STK32B: variants seen among roughly 807,000 people sequenced by gnomAD.
STK32B encodes the protein serine/threonine kinase 32B.
A neutral mutation model predicts 52.6 loss-of-function variants in STK32B; 43 were observed. The ratio of observed to expected loss-of-function variants is 0.82; its 90% CI spans 0.64 to 1.05. The LOEUF (loss-of-function observed/expected upper bound fraction) is 1.05. Ranked by LOEUF, STK32B falls within the 50% of genes least tolerant of loss-of-function variation. STK32B has a pLI of 0.00. For synonymous variants in STK32B, 238 were observed against 204.3 expected, an observed-to-expected ratio of 1.17 and a Z score of -1.41; for missense variants, 621 against 534.6, an observed-to-expected ratio of 1.16 and a Z score of -1.59.
At position 5,305,569 on chromosome 4, in the gene STK32B, T is replaced by G. The variant is rs367683022; in HGVS notation, c.261-25651T>G. On this transcript the variant is annotated intron_variant, in intron 3 of 11. Coordinates refer to ENST00000282908, the MANE Select transcript of STK32B (RefSeq NM_018401.3). Reference sequence around the variant, plus strand: ...TAATACCTCCCATTTCGTTTCTAATTGAGCTTATTTGGATCTCTTTTCTTT... The same window carrying G: ...TAATACCTCCCATTTCGTTTCTAATGGAGCTTATTTGGATCTCTTTTCTTT... Among the ~76,000 whole-genome samples the G allele has an allele frequency of 2.7e-4, 41 of 152,252 alleles. 1 individual carries two copies. The South Asian group carries it at 8.5e-3, about 32-fold the overall frequency.
At chr4:5,157,672 C>G (rs1189009359) in intron 2 of STK32B, among the ~76,000 whole-genome samples, 1 of 152,224 alleles carries the variant, frequency 6.6e-6, no homozygotes, top group Non-Finnish European at 1.5e-5. Context: ...GTGCCCAGCA[C>G]TGTGTCTGCC....
intron 4 of STK32B, among the ~76,000 whole-genome samples, chr4:5,356,928 G>T (rs1292251258): frequency 1.3e-5 from 2 of 152,062 alleles, no homozygotes; most frequent in Non-Finnish European, 2.9e-5. Context: ...AACCCAGGAG[G>T]TAGAGGCTGC....
chr4:5,174,979 T>A (rs553585509), intron 3 of STK32B, among the ~76,000 whole-genome samples: 1 of 152,356 alleles, frequency 6.6e-6, no homozygotes, highest in East Asian at 1.9e-4. Context: ...AGTCCCATAT[T>A]TCTTGTAGGC....
At chr4:5,276,209 A>G (rs950591546) in intron 3 of STK32B, among the ~76,000 whole-genome samples, 4 of 152,228 alleles carry the variant, frequency 2.6e-5, no homozygotes, top group Middle Eastern at 3.4e-3. Context: ...GAATCACTTG[A>G]ACCCAGGAGG....
the STK32B span, among the ~76,000 whole-genome samples, chr4:5,035,574 T>C: frequency 6.6e-6 from 1 of 152,198 alleles, no homozygotes; most frequent in Non-Finnish European, 1.5e-5. Flanking sequence ...TGAGGCACTC[T>C]GCTCTTTGTC....
At chr4:5,133,208 C>T (rs544587167) in intron 1 of STK32B, among the ~76,000 whole-genome samples, 2 of 152,186 alleles carry the variant, frequency 1.3e-5, no homozygotes, top group Non-Finnish European at 2.9e-5. Flanking sequence ...GTTCCCGGTA[C>T]GTAGTAGAGG....
intron 11 of STK32B, among the ~76,000 whole-genome samples, 155 bp from the exon 12 acceptor site, chr4:5,498,790 C>T (rs373939686): frequency 6.6e-6 from 1 of 152,212 alleles, no homozygotes; most frequent in Non-Finnish European, 1.5e-5. Flanking sequence ...GGCTACAGTG[C>T]ACAGCACCGT....
At chr4:5,339,450 T>C (rs1732926103) in intron 4 of STK32B, among the ~76,000 whole-genome samples, 1 of 152,204 alleles carries the variant, frequency 6.6e-6, no homozygotes. Flanking sequence ...TTTCAATGTG[T>C]GTATGTGTAG....
chr4:5,207,083 C>A (rs893314554), intron 3 of STK32B, among the ~76,000 whole-genome samples: 2 of 152,140 alleles, frequency 1.3e-5, no homozygotes, highest in African/African-American at 4.8e-5. Context: ...CACAGTCACA[C>A]GCCTTCATTT....
At chr4:5,087,764 A>G (rs1445584570) in intron 1 of STK32B, among the ~76,000 whole-genome samples, 1 of 152,012 alleles carries the variant, frequency 6.6e-6, no homozygotes, top group East Asian at 1.9e-4. Flanking sequence ...ACAAATATTT[A>G]TGGATCTCAT....
At chr4:5,376,158 G>C (rs770324039) in intron 4 of STK32B, among the ~76,000 whole-genome samples, 2 of 152,112 alleles carry the variant, frequency 1.3e-5, no homozygotes, top group Non-Finnish European at 2.9e-5. Flanking sequence ...TCCCCTCTGA[G>C]AGCCCAAAAA....
chr4:5,416,778 C>G, intron 5 of STK32B, 67 bp from the exon 6 acceptor site: 2 of 1,424,408 alleles, frequency 1.4e-6, no homozygotes, highest in Non-Finnish European at 1.9e-6. Flanking sequence ...CCTTGCAAAC[C>G]ACAGCTTTAA....
intron 1 of STK32B, among the ~76,000 whole-genome samples, chr4:5,067,486 G>C (rs1742468344): frequency 6.6e-6 from 1 of 152,104 alleles, no homozygotes; most frequent in South Asian, 2.1e-4. Context: ...TATCAGAATA[G>C]ACTAAGGAAA....
At chr4:5,098,088 C>A (rs1009814548) in intron 1 of STK32B, among the ~76,000 whole-genome samples, 1 of 152,228 alleles carries the variant, frequency 6.6e-6, no homozygotes, top group Non-Finnish European at 1.5e-5. Context: ...CAAGAAACAT[C>A]ACTCGCATTA....
At chr4:5,483,156 G>A (rs1718860219) in intron 11 of STK32B, among the ~76,000 whole-genome samples, 2 of 151,858 alleles carry the variant, frequency 1.3e-5, no homozygotes, top group Non-Finnish European at 2.9e-5. Context: ...AGTTTCAGAA[G>A]GAATGGTACC....
At chr4:5,440,321 TC>T (rs1269027120) in intron 6 of STK32B, among the ~76,000 whole-genome samples, 1 of 152,234 alleles carries the variant, frequency 6.6e-6, no homozygotes, top group Admixed American at 6.5e-5. Context: ...GTCCTACACA[TC>T]CCTTGTAAGT....
chr4:5,070,823 G>A (rs1711721648), intron 1 of STK32B, among the ~76,000 whole-genome samples: 1 of 152,150 alleles, frequency 6.6e-6, no homozygotes, highest in African/African-American at 2.4e-5. Context: ...GCACCCAGCT[G>A]TGGATAAAAC....
the STK32B span, among the ~76,000 whole-genome samples, chr4:5,027,507 A>C: frequency 6.6e-6 from 1 of 152,124 alleles, no homozygotes; most frequent in Non-Finnish European, 1.5e-5. Flanking sequence ...TTTAGATCTC[A>C]CTTATGTTAC....
chr4:5,384,590 G>A (rs1462166027), intron 4 of STK32B, among the ~76,000 whole-genome samples: 8 of 152,168 alleles, frequency 5.3e-5, no homozygotes, highest in African/African-American at 1.2e-4. Flanking sequence ...CTGGGTGGGC[G>A]CAGTGCGGAG....
Sources: allele counts gnomAD v4.1 joint callset (sites outside exome capture counted in the v4.1 genomes callset), GRCh38; gene constraint gnomAD v4.1.1; transcripts MANE v1.5; gene names NCBI Gene and HGNC (gene_info 2026-07-23, HGNC 2026-07-21).